The following NRXN3 variants were observed in gnomAD, a reference collection of about 807,000 sequenced individuals.
The protein encoded by NRXN3 is neurexin 3, also known as neurexin III.
In NRXN3, 32 loss-of-function variants were observed where a neutral mutation model predicts 137.6. That is an observed-to-expected ratio of 0.23 (90% confidence interval 0.18 to 0.31). The LOEUF (loss-of-function observed/expected upper bound fraction) is 0.31, where lower values mean the gene tolerates loss of function less well. Ranked by LOEUF, NRXN3 falls within the 10% of genes least tolerant of loss-of-function variation. NRXN3 has a pLI of 1.00. For missense variants in NRXN3, 1,574 were observed against 2,062.5 expected (o/e 0.76, Z 4.59); for synonymous variants, 798 against 784.5 (o/e 1.02, Z -0.29).
Position 79,501,289 on chromosome 14 carries a change from C to G in NRXN3, c.3444+33887C>G, listed in dbSNP as rs2153672797. ...CCCACACTGAACATTTCCATTGCCC[C>G]CTCCCTCCCCCGCTTCTACTATGAG... On this transcript the variant is annotated intron_variant, in intron 16 of 20. Transcript: ENST00000335750. Among the ~76,000 whole-genome samples, 3 of 152,182 alleles carry G rather than the reference C, an allele frequency of 2.0e-5. No homozygotes were observed. In the East Asian group the frequency reaches 5.8e-4, roughly 29 times the overall value.
intron 19 of NRXN3, among the ~76,000 whole-genome samples, chr14:79,789,394 G>C (rs1223207734): frequency 1.3e-5 from 2 of 152,136 alleles, no homozygotes; most frequent in Admixed American, 1.3e-4. Flanking sequence ...TAGACCCCAA[G>C]AGAGGGTTCT....
intron 4 of NRXN3, among the ~76,000 whole-genome samples, chr14:78,508,432 TC>T (rs2096039118): frequency 6.6e-6 from 1 of 152,194 alleles, no homozygotes. Flanking sequence ...TCTCTGGCTT[TC>T]CTGGTGAGAT....
In NRXN3 at chr14:78,692,823, G is replaced by A. The variant is rs1425835547; in HGVS notation, c.1222-16394G>A. On this transcript the variant is annotated intron_variant, in intron 6 of 20. Transcript: ENST00000335750. ...AGGCCAGGCGCAGTGGCTCACGCCT[G>A]TAATCCCAGCACTTTGGGAGGCCGA... 4.0e-5 allele frequency among the ~76,000 whole-genome samples: 6 copies of A among 149,716 alleles called. No homozygotes were observed. The South Asian group carries it at 8.4e-4, about 21-fold the overall frequency.
chr14:78,173,596 A>G (rs2058957084), intron 1 of NRXN3, among the ~76,000 whole-genome samples: 1 of 113,620 alleles, frequency 8.8e-6, no homozygotes, highest in Admixed American at 1.2e-4. Flanking sequence ...TTCTATTTCC[A>G]CACACTGCTC....
At chr14:79,056,736 G>A (rs993932491) in intron 15 of NRXN3, among the ~76,000 whole-genome samples, 11 of 152,138 alleles carry the variant, frequency 7.2e-5, no homozygotes, top group African/African-American at 2.7e-4. Flanking sequence ...GACCATCAAA[G>A]CAAATGTCTC....
chr14:79,073,185 C>A (rs2099690464), intron 15 of NRXN3, among the ~76,000 whole-genome samples: 1 of 152,162 alleles, frequency 6.6e-6, no homozygotes, highest in Non-Finnish European at 1.5e-5. Flanking sequence ...CCGCGCCCGG[C>A]CCGTCTCTAA....
At chr14:79,579,162 A>G (rs1375646642) in intron 16 of NRXN3, among the ~76,000 whole-genome samples, 1 of 151,576 alleles carries the variant, frequency 6.6e-6, no homozygotes, top group African/African-American at 2.4e-5. Flanking sequence ...CTTTTTTTCT[A>G]CTTTACTGAG....
intron 15 of NRXN3, among the ~76,000 whole-genome samples, chr14:79,251,061 A>C (rs1326385627): frequency 6.6e-6 from 1 of 152,190 alleles, no homozygotes; most frequent in Non-Finnish European, 1.5e-5. Context: ...GCTACAGCTG[A>C]CATGATAGGA....
At chr14:78,551,819 T>C (rs961886484) in intron 4 of NRXN3, among the ~76,000 whole-genome samples, 1 of 152,016 alleles carries the variant, frequency 6.6e-6, no homozygotes, top group African/African-American at 2.4e-5. Flanking sequence ...CCTTTTTACT[T>C]TTCTTCAAGT....
chr14:78,399,371 A>G (rs1336279889), intron 4 of NRXN3, among the ~76,000 whole-genome samples: 2 of 152,214 alleles, frequency 1.3e-5, no homozygotes, highest in Non-Finnish European at 2.9e-5. Context: ...TGTATACTCT[A>G]TTCTCCCTGA....
intron 6 of NRXN3, among the ~76,000 whole-genome samples, chr14:78,681,214 T>C (rs1602345569): frequency 6.6e-6 from 1 of 152,216 alleles, no homozygotes; most frequent in East Asian, 1.9e-4. Context: ...ATTTAAAGGA[T>C]TGTTTTTGAA....
intron 4 of NRXN3, among the ~76,000 whole-genome samples, chr14:78,420,001 A>G (rs1204863417): frequency 6.7e-6 from 1 of 150,170 alleles, no homozygotes; most frequent in Non-Finnish European, 1.5e-5. Context: ...AGTCCTGACT[A>G]CCAGTGATAA....
chr14:78,630,597 CTTT>C (rs370862037), intron 4 of NRXN3, among the ~76,000 whole-genome samples: 2 of 127,832 alleles, frequency 1.6e-5, no homozygotes. Context: ...TTCTTTCTTT[CTTT>C]TTTTTTTTTT....
rs377112982 is a variant in NRXN3 at position 79,466,018 on chromosome 14, A to G, written c.3263-1203A>G. Among the ~76,000 whole-genome samples, 34 of 152,238 alleles carry G rather than the reference A, an allele frequency of 2.2e-4. No homozygotes were observed. The East Asian group carries it at 5.8e-3, about 26-fold the overall frequency. The stretch of plus-strand genomic sequence containing the variant: ...AAATATTTTCTTTATTTTTATTCCC[A>G]TTTGCTTTGTAAGTAGTTCTAAATT... On this transcript the variant is annotated intron_variant, in intron 15 of 20. Transcript: ENST00000335750.
intron 4 of NRXN3, among the ~76,000 whole-genome samples, chr14:78,464,462 G>A (rs1229778724): frequency 1.3e-5 from 2 of 152,262 alleles, no homozygotes; most frequent in South Asian, 2.1e-4. Flanking sequence ...TCATATAGGT[G>A]AGAGAATTCA....
At chr14:78,932,114 T>C (rs1242351538) in intron 10 of NRXN3, among the ~76,000 whole-genome samples, 1 of 152,100 alleles carries the variant, frequency 6.6e-6, no homozygotes, top group Admixed American at 6.5e-5. Context: ...CACTCCAGCC[T>C]GGGAGACAGA....
intron 4 of NRXN3, among the ~76,000 whole-genome samples, chr14:78,573,569 G>C (rs2096909132): frequency 6.6e-6 from 1 of 152,160 alleles, no homozygotes; most frequent in South Asian, 2.1e-4. Flanking sequence ...GACATCTATG[G>C]AACTTTGAAC....
intron 10 of NRXN3, among the ~76,000 whole-genome samples, chr14:78,840,582 G>C (rs2099009575): frequency 6.6e-6 from 1 of 152,150 alleles, no homozygotes; most frequent in African/African-American, 2.4e-5. Flanking sequence ...AGGTTGGCAA[G>C]AGTATGCTTT....
chr14:79,768,667 T>C (rs1040057959), intron 19 of NRXN3, among the ~76,000 whole-genome samples: 1 of 152,038 alleles, frequency 6.6e-6, no homozygotes, highest in Non-Finnish European at 1.5e-5. Flanking sequence ...ACCACAAAGA[T>C]GGGGAAAATA....
Sources: gnomAD v4.1 joint callset for allele counts (sites outside exome capture counted in the v4.1 genomes callset) on GRCh38, gnomAD v4.1.1 for gene constraint, MANE v1.5 for transcripts, NCBI Gene and HGNC (gene_info 2026-07-23, HGNC 2026-07-21) for gene names.